Variants in MKRN1 observed in about 807,000 individuals in gnomAD.
MKRN1 encodes the protein E3 ubiquitin-protein ligase makorin-1.
Under a neutral mutation model 55.5 loss-of-function variants are expected in MKRN1, and 9 were observed. The ratio of observed to expected loss-of-function variants is 0.16; its 90% CI spans 0.10 to 0.28. The LOEUF (loss-of-function observed/expected upper bound fraction) is 0.28. MKRN1 is among the 10% of genes least tolerant of loss of function. MKRN1 has a pLI of 1.00. For missense variants in MKRN1, 488 were observed against 626.7 expected (o/e 0.78, Z 2.36); for synonymous variants, 253 against 235.9 (o/e 1.07, Z -0.66).
intron 1 of MKRN1, among the ~76,000 whole-genome samples, chr7:140,475,535 G>A (rs979365110): frequency 4.6e-5 from 7 of 152,024 alleles, no homozygotes; most frequent in Non-Finnish European, 7.4e-5. Context: ...GTGGTGGCAC[G>A]TGCCTGTAAT....
At chr7:140,466,034 T>C (rs1275652660) in intron 2 of MKRN1, among the ~76,000 whole-genome samples, 2 of 151,922 alleles carry the variant, frequency 1.3e-5, no homozygotes, top group Non-Finnish European at 2.9e-5. Flanking sequence ...TGAGCCGAGA[T>C]CACGCCACTG....
intron 1 of MKRN1, chr7:140,474,558 G>A (rs1031636938): frequency 8.4e-5 from 15 of 177,562 alleles, no homozygotes; most frequent in Non-Finnish European, 1.6e-4. Flanking sequence ...TCATGGTAGC[G>A]ATAGCAAATT....
rs549833106 is a variant in MKRN1, at chr7:140,459,285, A to G, written c.545-52T>C. ...GGTCCAAATAGATAAGGCATGAACT[A>G]TAAGAGAACTGAGAATCTAACCGCA... On this transcript the variant is annotated intron_variant, in intron 3 of 7. Coordinates refer to ENST00000255977, the MANE Select transcript of MKRN1 (RefSeq NM_013446.4). 1.4e-5 allele frequency: 22 copies of G among 1,559,974 alleles called. No homozygotes were observed. In the South Asian group the frequency reaches 2.1e-4, roughly 15 times the overall value.
In MKRN1 at chr7:140,454,361, T is replaced by TGAGG. The variant is rs1794407743; in HGVS notation, c.*152_*155dup. 2 of 656,416 alleles carry TGAGG rather than the reference T, an allele frequency of 3.0e-6. No individual in the cohort carries two copies. Among genetic ancestry groups the TGAGG allele is most frequent in the Non-Finnish European group, 5.4e-6 (2 of 373,750 alleles). The allele number at this position is 656,416 out of a possible 1,614,324, so 40.7% of individuals were successfully genotyped here. A position where few individuals can be genotyped will look rare whatever the true frequency, so the allele number is the denominator to read the frequency against. On this transcript the variant is annotated 3_prime_UTR_variant, in exon 8 of 8. Transcript: ENST00000255977. ...AAACAACACACTCCTCAGGGAAAGG[T>TGAGG]GAGGGGTTGAGAAGACAGGCCCTGG...
chr7:140,465,873 A>G (rs559211787), intron 2 of MKRN1, among the ~76,000 whole-genome samples: 1 of 152,228 alleles, frequency 6.6e-6, no homozygotes, highest in Admixed American at 6.5e-5. Context: ...GGAGGTCAGA[A>G]GATCGAGACC....
At chr7:140,467,201 C>T (rs191112351) in intron 2 of MKRN1, among the ~76,000 whole-genome samples, 19 of 152,096 alleles carry the variant, frequency 1.2e-4, no homozygotes, top group African/African-American at 3.9e-4. Context: ...ATCAAATTCC[C>T]GACCTCAGGT....
rs1794986054 is a variant in MKRN1 at position 140,473,186 on chromosome 7, T to C, written c.186-1175A>G. On this transcript the variant is annotated intron_variant, in intron 1 of 7. Coordinates refer to ENST00000255977, the MANE Select transcript of MKRN1 (RefSeq NM_013446.4). Reference sequence around the variant, plus strand: ...ACAAAAACCAATGAATATAAGTATATGTCTTGTTTTTAAATGATACCACCA... The same window carrying C: ...ACAAAAACCAATGAATATAAGTATACGTCTTGTTTTTAAATGATACCACCA... 3 of 425,724 alleles carry C rather than the reference T, an allele frequency of 7.0e-6. No individual in the cohort carries two copies. The Admixed American group carries it at 8.9e-5, about 13-fold the overall frequency. The allele number at this position is 425,724 out of a possible 1,614,324, so 26.4% of individuals were successfully genotyped here.
At chr7:140,459,403 T>A (rs1207866143) in intron 3 of MKRN1, among the ~76,000 whole-genome samples, 170 bp from the exon 4 acceptor site, 1 of 146,970 alleles carries the variant, frequency 6.8e-6, no homozygotes, top group Non-Finnish European at 1.5e-5. Flanking sequence ...ACCGCTGTTA[T>A]TTCCAAGATT....
rs897305582 is a variant in MKRN1, at chr7:140,479,415, G to A, written c.-71C>T. The stretch of plus-strand genomic sequence containing the variant: ...CATAGTTCCGGTCCGGCTGCGGGGA[G>A]AGGACGGCGAGGCCAGGCGAGGGGA... On this transcript the variant is annotated 5_prime_UTR_variant, in exon 1 of 8. Coordinates refer to ENST00000255977, the MANE Select transcript of MKRN1 (RefSeq NM_013446.4). 10 of 1,250,530 alleles carry A rather than the reference G, an allele frequency of 8.0e-6. No individual in the cohort carries two copies. Among genetic ancestry groups the A allele is most frequent in the Non-Finnish European group, 9.1e-6 (9 of 992,122 alleles). The allele number at this position is 1,250,530 out of a possible 1,614,324, so 77.5% of individuals were successfully genotyped here.
intron 2 of MKRN1, among the ~76,000 whole-genome samples, chr7:140,467,613 C>T (rs1305546642): frequency 6.6e-6 from 1 of 152,128 alleles, no homozygotes; most frequent in Non-Finnish European, 1.5e-5. Context: ...TCTGCCTCAA[C>T]GTCAGAGGCT....
chr7:140,474,491 T>TA, intron 1 of MKRN1: 1 of 279,058 alleles, frequency 3.6e-6, no homozygotes, highest in South Asian at 2.5e-5. Flanking sequence ...AGACTCCGTC[T>TA]CAAAAAAAAA....
intron 1 of MKRN1, chr7:140,475,158 A>C (rs1795083460): frequency 2.7e-6 from 1 of 376,792 alleles, no homozygotes. Context: ...CCTGGGCAAC[A>C]TGGTGAAACC....
chr7:140,474,062 AAAG>A (rs1284287970), intron 1 of MKRN1, among the ~76,000 whole-genome samples: 1 of 145,822 alleles, frequency 6.9e-6, no homozygotes, highest in Non-Finnish European at 1.5e-5. Flanking sequence ...AGAAAGAAAG[AAAG>A]AATAAAAGAC....
chr7:140,460,841 A>G (rs1794597527), intron 2 of MKRN1, among the ~76,000 whole-genome samples: 1 of 152,264 alleles, frequency 6.6e-6, no homozygotes, highest in Non-Finnish European at 1.5e-5. Context: ...CACAACTACA[A>G]GTATTCAACT....
Position 140,471,960 on chromosome 7 carries a change from A to T in MKRN1, c.237T>A (p.His79Gln). The change falls in exon 2 of 8, where the codon CAT (histidine) becomes CAA (glutamine). Residue 79 changes from histidine to glutamine, a missense_variant. This residue lies in a region of MKRN1 where 210 missense variants were observed against 220.0 expected (regional missense o/e 0.95). Transcript: ENST00000255977. ...CACTATACGGACTGTCAGAGAGGTC[A>T]TGCGAGTAGCGACAGTTGTCTCCTT... ...CKEGDNCRYS[H>Q]DLSDSPYSVV... 6.2e-7 allele frequency: 1 copy of T among 1,614,186 alleles called. No individual in the cohort carries two copies. Among genetic ancestry groups the T allele is most frequent in the Non-Finnish European group, 8.5e-7 (1 of 1,180,048 alleles).
In MKRN1 at chr7:140,454,848, G is replaced by A. The variant is rs555267368; in HGVS notation, c.1237-119C>T. The A allele has an allele frequency of 1.9e-5, 22 of 1,153,190 alleles. No individual in the cohort carries two copies. In the East Asian group the frequency reaches 4.7e-4, roughly 25 times the overall value. The allele number at this position is 1,153,190 out of a possible 1,614,324, so 71.4% of individuals were successfully genotyped here. ...CATGACGAACCAGACTTCTTAGTTAGGGTTTCCATTTACCACTTCCTCCCC... is the reference window on the plus strand; with the variant it reads ...CATGACGAACCAGACTTCTTAGTTAAGGTTTCCATTTACCACTTCCTCCCC... On this transcript the variant is annotated intron_variant, in intron 7 of 7. Coordinates refer to ENST00000255977, the MANE Select transcript of MKRN1 (RefSeq NM_013446.4).
rs893815581 is a variant in MKRN1 at position 140,460,016 on chromosome 7, G to A, written c.315-80C>T. The A allele has an allele frequency of 2.1e-5, 25 of 1,215,088 alleles. No homozygotes were observed. The African/African-American group carries it at 2.8e-4, about 13-fold the overall frequency. 75.3% of individuals were successfully genotyped at this position (1,215,088 alleles called of 1,614,324 possible). The stretch of plus-strand genomic sequence containing the variant: ...AATCCCAACAGTTTGGGAAGCTGAG[G>A]TGGGTGGATCACCAGAGAGGTTGGG... On this transcript the variant is annotated intron_variant, in intron 2 of 7. Coordinates refer to ENST00000255977, the MANE Select transcript of MKRN1 (RefSeq NM_013446.4).
intron 2 of MKRN1, among the ~76,000 whole-genome samples, chr7:140,461,801 T>C (rs1794628339): frequency 6.6e-6 from 1 of 151,840 alleles, no homozygotes; most frequent in Non-Finnish European, 1.5e-5. Context: ...CTGACCACCA[T>C]GGAGAAACCC....
rs781604828 is a variant in MKRN1, at chr7:140,459,791, A to G, written c.460T>C (p.Ser154Pro). The G allele has an allele frequency of 6.2e-7, 1 of 1,613,956 alleles. No homozygotes were observed. The highest frequency in any genetic ancestry group is 8.5e-7 in the Non-Finnish European group (1 of 1,179,852). Residue 154 changes from serine to proline, a missense_variant, in exon 3 of 8, where the codon TCA becomes CCA. Physicochemically the swap from Ser to Pro is moderately conservative, Grantham distance 74 (BLOSUM62 -1). Transcript: ENST00000255977. ...MNTGEAESRNSNFATVGAGSE... is the reference protein window; with the variant it reads ...MNTGEAESRNPNFATVGAGSE... ...CCTGCTCCTACAGTTGCAAAGTTTG[A>G]ATTTCTTGACTCAGCTTCGCCTGTA... is the stretch of plus-strand genomic sequence containing the variant.
Sources: allele counts gnomAD v4.1 joint callset (sites outside exome capture counted in the v4.1 genomes callset), GRCh38; gene constraint gnomAD v4.1.1; regional missense constraint gnomAD v4.1.1; transcripts MANE v1.5; gene names NCBI Gene and HGNC (gene_info 2026-07-23, HGNC 2026-07-21).